Variants in EIF4E3 observed in about 807,000 individuals in gnomAD.
EIF4E3 encodes eukaryotic translation initiation factor 4E family member 3.
In EIF4E3, 26 loss-of-function variants were observed where a neutral mutation model predicts 31.7. That is an observed-to-expected ratio of 0.82 (90% CI 0.60 to 1.14). EIF4E3 has a LOEUF of 1.14. EIF4E3 is among the 50% of genes most tolerant of loss of function. The pLI is 0.00. For missense variants in EIF4E3, 304 were observed against 270.9 expected, an observed-to-expected ratio of 1.12 and a Z score of -0.86; for synonymous variants, 128 against 107.7, an observed-to-expected ratio of 1.19 and a Z score of -1.17.
At chr3:71,718,663 T>C (rs1297181475) in intron 1 of EIF4E3, among the ~76,000 whole-genome samples, 3 of 152,208 alleles carry the variant, frequency 2.0e-5, no homozygotes, top group Non-Finnish European at 4.4e-5. Context: ...TCTGTAATAT[T>C]AAAAGCAGAA....
At chr3:71,737,111 G>T (rs774232193) in intron 1 of EIF4E3, among the ~76,000 whole-genome samples, 6 of 152,112 alleles carry the variant, frequency 3.9e-5, no homozygotes, top group Non-Finnish European at 8.8e-5. Context: ...TTTACACACC[G>T]GAGGCTCAAA....
chr3:71,674,815 A>T (rs970806817), downstream of EIF4E3, among the ~76,000 whole-genome samples: 1 of 152,194 alleles, frequency 6.6e-6, no homozygotes, highest in Non-Finnish European at 1.5e-5. Flanking sequence ...GGTGCTTCAT[A>T]TGTTACTGGC....
chr3:71,747,093 T>G (rs1209440931), intron 1 of EIF4E3, among the ~76,000 whole-genome samples: 1 of 152,234 alleles, frequency 6.6e-6, no homozygotes, highest in African/African-American at 2.4e-5. Context: ...TATGAACATT[T>G]ACATGTGGGC....
In EIF4E3 at chr3:71,699,674, A is replaced by G. The variant is rs1559595300; in HGVS notation, c.284T>C (p.Val95Ala). 1.2e-6 allele frequency: 2 copies of G among 1,613,660 alleles called. No individual in the cohort carries two copies. The highest frequency in any genetic ancestry group is 8.5e-7 in the Non-Finnish European group (1 of 1,179,874). Reference sequence around the variant, plus strand: ...ACTACATCTCAAAGGCAGGCTAGTCACAGGAGGGATATTATTGTATACACT... The same window carrying G: ...ACTACATCTCAAAGGCAGGCTAGTCGCAGGAGGGATATTATTGTATACACT... Reference protein sequence around the residue: ...FWSVYNNIPPVTSLPLRCSYH... With the variant: ...FWSVYNNIPPATSLPLRCSYH... The change falls in exon 3 of 7, where the codon GTG becomes GCG. Residue 95 changes from valine to alanine, a missense_variant. Val to Ala is a moderately conservative substitution (Grantham distance 64). Transcript: ENST00000425534.
At chr3:71,670,438 C>T (rs1008135591), downstream of EIF4E3, among the ~76,000 whole-genome samples, 4 of 152,162 alleles carry the variant, frequency 2.6e-5, no homozygotes, top group Non-Finnish European at 5.9e-5. Context: ...TGGCCCCAGC[C>T]ACGGCCCTCG....
intron 1 of EIF4E3, among the ~76,000 whole-genome samples, chr3:71,740,993 G>A (rs569829402): frequency 1.6e-4 from 24 of 152,050 alleles, no homozygotes; most frequent in Non-Finnish European, 3.2e-4. Flanking sequence ...AAAATTAGCC[G>A]GGTGTGGTGG....
At chr3:71,665,974 C>A in the EIF4E3 span, among the ~76,000 whole-genome samples, 1 of 152,172 alleles carries the variant, frequency 6.6e-6, no homozygotes, top group Non-Finnish European at 1.5e-5. Context: ...ATTTATAGCA[C>A]TAAATGCCCA....
intron 3 of EIF4E3, among the ~76,000 whole-genome samples, chr3:71,697,160 C>T (rs2049151075): frequency 6.6e-6 from 1 of 152,166 alleles, no homozygotes; most frequent in African/African-American, 2.4e-5. Context: ...GGATTACAGG[C>T]ATGTGCCATC....
At chr3:71,698,327 C>T (rs2049168661) in intron 3 of EIF4E3, among the ~76,000 whole-genome samples, 2 of 152,156 alleles carry the variant, frequency 1.3e-5, no homozygotes, top group African/African-American at 4.8e-5. Flanking sequence ...ACAACAAATA[C>T]AGCTGCCACA....
intron 1 of EIF4E3, among the ~76,000 whole-genome samples, chr3:71,751,663 T>G (rs2049930268): frequency 1.3e-5 from 2 of 152,214 alleles, no homozygotes; most frequent in African/African-American, 2.4e-5. Flanking sequence ...TCACTCTCAA[T>G]TGATAGCCAA....
chr3:71,725,790 G>A (rs2049630631), upstream of EIF4E3, among the ~76,000 whole-genome samples: 1 of 152,168 alleles, frequency 6.6e-6, no homozygotes, highest in Non-Finnish European at 1.5e-5. This position sits in a 1 kb window ranked among gnomAD's most constrained non-coding sequence, Gnocchi z 6.1. Context: ...ATGGAGGGAT[G>A]GATGGGACAG....
At chr3:71,710,657 G>A (rs150322818) in intron 1 of EIF4E3, among the ~76,000 whole-genome samples, 173 bp from the exon 2 acceptor site, 1 of 152,182 alleles carries the variant, frequency 6.6e-6, no homozygotes, top group African/African-American at 2.4e-5. Flanking sequence ...ACTTTGTGAA[G>A]TCATGTGTTG....
intron 1 of EIF4E3, among the ~76,000 whole-genome samples, chr3:71,731,105 G>GC (rs1378374462): frequency 1.3e-5 from 2 of 152,134 alleles, no homozygotes; most frequent in African/African-American, 4.8e-5. Context: ...CTGGAGGACT[G>GC]CAACAGCCTC....
rs553271714 is a variant in EIF4E3, at chr3:71,675,458, TAAGC to T, written c.*9220_*9223del. On this transcript the variant is annotated 3_prime_UTR_variant, in exon 7 of 7. Transcript: ENST00000425534. Reference sequence around the variant, plus strand: ...ATTCCCAGTTAAAACCTTGAGAAAATAAGCAAGTAGATGGTGTGTCCTAGCTATA... The same window carrying T: ...ATTCCCAGTTAAAACCTTGAGAAAATAAGTAGATGGTGTGTCCTAGCTATA... 3.3e-5 allele frequency: 5 copies of T among 152,240 alleles called. 1 individual carries two copies. The South Asian group carries it at 1.0e-3, about 32-fold the overall frequency. 9.4% of individuals were successfully genotyped at this position (152,240 alleles called of 1,614,324 possible).
At chr3:71,666,028 C>T in the EIF4E3 span, among the ~76,000 whole-genome samples, 2 of 151,716 alleles carry the variant, frequency 1.3e-5, no homozygotes, top group Non-Finnish European at 2.9e-5. Flanking sequence ...CCTAACATCA[C>T]AAAAGAACTA....
In EIF4E3 at chr3:71,738,978, GTATATATATATA is replaced by G. The variant is rs56982495; in HGVS notation, c.-290-10367_-290-10356del. Among the ~76,000 whole-genome samples, 14 of 95,812 alleles carry G rather than the reference GTATATATATATA, an allele frequency of 1.5e-4. 1 individual carries two copies. Among genetic ancestry groups the G allele is most frequent in the East Asian group, 6.4e-4 (2 of 3,126 alleles). The allele number at this position is 95,812 out of a possible 152,430, so 62.9% of individuals were successfully genotyped here. A position where few individuals can be genotyped will look rare whatever the true frequency, so the allele number is the denominator to read the frequency against. On this transcript the variant is annotated intron_variant, in intron 1 of 7. Coordinates refer to the EIF4E3 transcript ENST00000295612. ...TTTCCAAATGCCTGAAAATTGAACA[GTATATATATATA>G]TATATATATATATATATGGGTTAAA...
At chr3:71,724,459 G>A (rs931338055) in intron 1 of EIF4E3, among the ~76,000 whole-genome samples, 2 of 152,142 alleles carry the variant, frequency 1.3e-5, no homozygotes, top group Non-Finnish European at 2.9e-5. Flanking sequence ...ACAAAACGAG[G>A]GAGCAAGGTT....
intron 1 of EIF4E3, among the ~76,000 whole-genome samples, chr3:71,720,486 C>T (rs902786158): frequency 6.6e-6 from 1 of 152,164 alleles, no homozygotes; most frequent in East Asian, 1.9e-4. Flanking sequence ...TGAACCACCA[C>T]ATCCAGCCTA....
chr3:71,671,571 G>C (rs1005408497), downstream of EIF4E3, among the ~76,000 whole-genome samples: 1 of 152,164 alleles, frequency 6.6e-6, no homozygotes, highest in Non-Finnish European at 1.5e-5. Context: ...TCTTCAAACT[G>C]AGTGTCAGAA....
Sources: gnomAD v4.1 joint callset for allele counts (sites outside exome capture counted in the v4.1 genomes callset) on GRCh38, gnomAD v4.1.1 for gene constraint, Gnocchi (gnomAD v3.1) non-coding constraint, MANE v1.5 for transcripts, NCBI Gene and HGNC (gene_info 2026-07-23, HGNC 2026-07-21) for gene names.